Variants in ZNF676 observed in about 807,000 individuals in gnomAD.
ZNF676 encodes zinc finger protein 676.
Under a neutral mutation model 6.0 loss-of-function variants are expected in ZNF676, and 4 were observed. The observed-to-expected ratio is 0.67, with a 90% CI of 0.33 to 1.53. ZNF676 has a LOEUF of 1.53. Ranked by LOEUF, ZNF676 falls within the 40% of genes most tolerant of loss-of-function variation. ZNF676 has a pLI of 0.06. For synonymous variants in ZNF676, 198 were observed against 223.1 expected, an observed-to-expected ratio of 0.89 and a Z score of 1.00; for missense variants, 644 against 679.7, an observed-to-expected ratio of 0.95 and a Z score of 0.58.
At chr19:22,182,174 T>C (rs961378287) in intron 2 of ZNF676, among the ~76,000 whole-genome samples, 13 of 152,192 alleles carry the variant, frequency 8.5e-5, no homozygotes, top group Non-Finnish European at 1.8e-4. Flanking sequence ...GAAACATAAA[T>C]AGTCTCTTTT....
chr19:22,239,721 G>T, the ZNF676 span, among the ~76,000 whole-genome samples: 1 of 152,084 alleles, frequency 6.6e-6, no homozygotes, highest in Non-Finnish European at 1.5e-5. Flanking sequence ...ACAACATTTG[G>T]GTGCTGGGCT....
intron 2 of ZNF676, among the ~76,000 whole-genome samples, chr19:22,188,249 C>T (rs565705659): frequency 6.6e-6 from 1 of 152,118 alleles, no homozygotes; most frequent in East Asian, 1.9e-4. Flanking sequence ...TAAACAGAAC[C>T]AAAGACAAAA....
intron 1 of ZNF676, among the ~76,000 whole-genome samples, chr19:22,211,984 G>A (rs2024133125): frequency 1.3e-5 from 2 of 151,400 alleles, no homozygotes; most frequent in African/African-American, 2.4e-5. Flanking sequence ...TGGATCATGA[G>A]GTCAGGAAAT....
intron 1 of ZNF676, among the ~76,000 whole-genome samples, chr19:22,205,074 T>C (rs1053778359): frequency 6.6e-6 from 1 of 152,120 alleles, no homozygotes; most frequent in African/African-American, 2.4e-5. Flanking sequence ...TTTTGCACAC[T>C]GTGTGCACTT....
the ZNF676 span, among the ~76,000 whole-genome samples, chr19:22,239,760 G>A: frequency 6.6e-6 from 1 of 152,208 alleles, no homozygotes; most frequent in African/African-American, 2.4e-5. Flanking sequence ...CCTTTTTTGG[G>A]CATGTCTCCT....
chr19:22,198,828 T>G (rs576549823), upstream of ZNF676, among the ~76,000 whole-genome samples: 107 of 152,170 alleles, frequency 7.0e-4, no homozygotes, highest in East Asian at 7.6e-3. Flanking sequence ...CACAGTAATG[T>G]AAATATGGGC....
upstream of ZNF676, among the ~76,000 whole-genome samples, chr19:22,220,708 C>T (rs1423177709): frequency 6.6e-6 from 1 of 152,102 alleles, no homozygotes; most frequent in Non-Finnish European, 1.5e-5. Flanking sequence ...CCCCCCACCT[C>T]GTCCTACCAA....
upstream of ZNF676, among the ~76,000 whole-genome samples, chr19:22,220,202 T>C (rs1414593565): frequency 6.6e-6 from 1 of 152,232 alleles, no homozygotes; most frequent in Non-Finnish European, 1.5e-5. Context: ...TATTAATATG[T>C]TGCTGTGTTT....
At chr19:22,250,836 T>C in the ZNF676 span, among the ~76,000 whole-genome samples, 6 of 152,244 alleles carry the variant, frequency 3.9e-5, no homozygotes, top group East Asian at 1.2e-3. Context: ...CTCAGCTGCC[T>C]GAGTAACTGA....
chr19:22,221,762 A>G, the ZNF676 span, among the ~76,000 whole-genome samples: 4 of 151,020 alleles, frequency 2.6e-5, no homozygotes, highest in African/African-American at 9.7e-5. Flanking sequence ...AAAAAAAAAC[A>G]TCAGACTTGT....
chr19:22,221,480 G>A, the ZNF676 span, among the ~76,000 whole-genome samples: 5 of 152,086 alleles, frequency 3.3e-5, no homozygotes, highest in Non-Finnish European at 5.9e-5. Flanking sequence ...GGCTGGGCAT[G>A]GTGGCTCATG....
At chr19:22,241,233 A>C in the ZNF676 span, among the ~76,000 whole-genome samples, 4 of 152,002 alleles carry the variant, frequency 2.6e-5, no homozygotes, top group East Asian at 5.8e-4. Flanking sequence ...TGATCCTGAA[A>C]TGAAATTAAC....
chr19:22,234,465 T>G, the ZNF676 span, among the ~76,000 whole-genome samples: 671 of 152,228 alleles, frequency 4.4e-3, 5 homozygotes, highest in African/African-American at 0.015. Context: ...CATGACCCAC[T>G]TTGTGGTTAG....
the ZNF676 span, among the ~76,000 whole-genome samples, chr19:22,246,575 AGGTGCAAGTCTCT>A: frequency 6.6e-6 from 1 of 152,188 alleles, no homozygotes; most frequent in Non-Finnish European, 1.5e-5. Flanking sequence ...CAACTACCCT[AGGTGCAAGTCTCT>A]GGTATGAGAG....
At chr19:22,193,386 G>A (rs2023932851) in intron 1 of ZNF676, among the ~76,000 whole-genome samples, 1 of 152,078 alleles carries the variant, frequency 6.6e-6, no homozygotes, top group African/African-American at 2.4e-5. Context: ...TCTCACTGTG[G>A]AAAACTGGAA....
chr19:22,255,752 G>A, the ZNF676 span, among the ~76,000 whole-genome samples: 11 of 152,104 alleles, frequency 7.2e-5, no homozygotes, highest in African/African-American at 2.2e-4. Flanking sequence ...GGCTGAGGCA[G>A]GAGAAGGGCA....
the ZNF676 span, among the ~76,000 whole-genome samples, chr19:22,259,050 T>C: frequency 7.8e-6 from 1 of 128,298 alleles, no homozygotes; most frequent in South Asian, 2.2e-4. Context: ...GGTCTGAGAG[T>C]CACCAACTCA....
chr19:22,236,684 C>T, the ZNF676 span, among the ~76,000 whole-genome samples: 1 of 152,126 alleles, frequency 6.6e-6, no homozygotes, highest in Non-Finnish European at 1.5e-5. Flanking sequence ...GGCCATGATT[C>T]TCTGTTTTTA....
intron 1 of ZNF676, among the ~76,000 whole-genome samples, chr19:22,207,354 A>G (rs946145533): frequency 1.1e-4 from 17 of 152,376 alleles, no homozygotes; most frequent in African/African-American, 3.6e-4. Context: ...CTGCCACAGA[A>G]AAGAATAACA....
Sources: allele counts gnomAD v4.1 joint callset (sites outside exome capture counted in the v4.1 genomes callset), GRCh38; gene constraint gnomAD v4.1.1; transcripts MANE v1.5; gene names NCBI Gene and HGNC (gene_info 2026-07-23, HGNC 2026-07-21).